The following CWC22 variants were observed in gnomAD, a reference collection of about 807,000 sequenced individuals.
CWC22 encodes CWC22 spliceosome associated protein, also known as pre-mRNA-splicing factor CWC22 homolog.
A neutral mutation model predicts 117.2 loss-of-function variants in CWC22; 53 were observed. That is an observed-to-expected ratio of 0.45 (90% confidence interval 0.36 to 0.57). The LOEUF is 0.57. Ranked by LOEUF, CWC22 falls within the 20% of genes least tolerant of loss-of-function variation. The pLI is 0.00. For missense variants in CWC22, 980 were observed against 1,068.8 expected, an observed-to-expected ratio of 0.92 and a Z score of 1.16; for synonymous variants, 360 against 355.6, an observed-to-expected ratio of 1.01 and a Z score of -0.14.
intron 14 of CWC22, among the ~76,000 whole-genome samples, chr2:179,958,330 CAA>C (rs11453659): frequency 5.4e-5 from 5 of 92,778 alleles, no homozygotes; most frequent in Admixed American, 1.5e-4. Flanking sequence ...GACTCTGGCT[CAA>C]AAAAAAAAAA....
intron 6 of CWC22, 24 bp from the exon 7 acceptor site, chr2:179,973,826 G>A: frequency 6.3e-6 from 9 of 1,430,338 alleles, no homozygotes; most frequent in Middle Eastern, 1.8e-4. Flanking sequence ...AATTTAAAAA[G>A]GAGTCAACAA....
At chr2:179,963,622 G>A (rs1686814481) in intron 13 of CWC22, among the ~76,000 whole-genome samples, 7 of 151,984 alleles carry the variant, frequency 4.6e-5, no homozygotes, top group Admixed American at 4.6e-4. Flanking sequence ...GATTACAGGC[G>A]TGAGCCACCG....
intron 11 of CWC22, among the ~76,000 whole-genome samples, chr2:179,970,247 G>A (rs1035181586): frequency 1.3e-5 from 2 of 152,116 alleles, no homozygotes; most frequent in African/African-American, 4.8e-5. Context: ...TTCTTAAGAT[G>A]GGTGAGACGT....
At chr2:179,946,449 C>CAAA (rs61200729) in intron 19 of CWC22, among the ~76,000 whole-genome samples, 1 of 41,700 alleles carries the variant, frequency 2.4e-5, no homozygotes, top group African/African-American at 1.1e-4. Context: ...GGACTCTGTC[C>CAAA]AAAAAAAAAA....
In CWC22 at chr2:179,954,940, T is replaced by G. The variant is rs776187974; in HGVS notation, c.1536+17A>C. The stretch of plus-strand genomic sequence containing the variant: ...ATATTCGTTTTAAGAATTCCCTCAG[T>G]AGAGGCTGGAACTCACCCCAGCTAA... On this transcript the variant is annotated intron_variant, in intron 15 of 19. Transcript: ENST00000410053. The G allele has an allele frequency of 7.7e-6, 11 of 1,436,286 alleles. No individual in the cohort carries two copies. The highest frequency in any genetic ancestry group is 1.1e-5 in the Non-Finnish European group (11 of 1,030,926). The allele number at this position is 1,436,286 out of a possible 1,614,324, so 89.0% of individuals were successfully genotyped here.
At chr2:179,998,096 A>G (rs1324169981) in intron 1 of CWC22, among the ~76,000 whole-genome samples, 1 of 152,136 alleles carries the variant, frequency 6.6e-6, no homozygotes, top group African/African-American at 2.4e-5. Flanking sequence ...TTCCCAAGGT[A>G]ACTCCAAAAT....
Position 179,986,777 on chromosome 2 carries a change from C to T in CWC22, c.124G>A (p.Asp42Asn), listed in dbSNP as rs534571634. ...RYEEQERSPR[D>N]RDYFDYSRSD... ...CTGCTGTAATCAAAGTAATCTCTAT[C>T]CCGGGGGGATCGTTCTTGTTCTTCA... The change falls in exon 4 of 20, where the codon GAT becomes AAT. Residue 42 changes from aspartate (D) to asparagine (N), a missense_variant. Physicochemically the swap from Asp to Asn is conservative, Grantham distance 23 (BLOSUM62 1). Coordinates refer to ENST00000410053, the MANE Select transcript of CWC22 (RefSeq NM_020943.3). The T allele has an allele frequency of 2.5e-6, 4 of 1,600,360 alleles. No individual in the cohort carries two copies. The South Asian group carries it at 3.4e-5, about 14-fold the overall frequency.
At position 179,981,911 on chromosome 2, in the gene CWC22, T is replaced by C. The variant is rs1377629002; in HGVS notation, c.293A>G (p.Asn98Ser). The change falls in exon 5 of 20, where the codon AAC (asparagine) becomes AGC (serine). Residue 98 changes from asparagine to serine, a missense_variant. This residue lies in a region of CWC22 where 559 missense variants were observed against 602.3 expected (regional missense o/e 0.93). Coordinates refer to ENST00000410053, the MANE Select transcript of CWC22 (RefSeq NM_020943.3). ...SRKSPSPGRR[N>S]PETSVTQSSS... ...ACTCTGAGTTACTGATGTTTCTGGGTTTCTCCTCCCAGGAGATGGGGATTT... is the reference window on the plus strand; with the variant it reads ...ACTCTGAGTTACTGATGTTTCTGGGCTTCTCCTCCCAGGAGATGGGGATTT... 3 of 1,597,568 alleles carry C rather than the reference T, an allele frequency of 1.9e-6. No homozygotes were observed. Among genetic ancestry groups the C allele is most frequent in the African/African-American group, 2.7e-5 (2 of 74,662 alleles).
intron 11 of CWC22, among the ~76,000 whole-genome samples, chr2:179,969,242 G>A (rs541445615): frequency 6.6e-6 from 1 of 152,248 alleles, no homozygotes; most frequent in East Asian, 1.9e-4. Flanking sequence ...GAGACTGTAG[G>A]AAAAGAGGTT....
At chr2:180,004,609 G>A (rs1187299389) in intron 1 of CWC22, among the ~76,000 whole-genome samples, 1 of 152,054 alleles carries the variant, frequency 6.6e-6, no homozygotes, top group African/African-American at 2.4e-5. Flanking sequence ...TGGCCAGGCT[G>A]GTCTATCTCA....
At position 179,950,549 on chromosome 2, in the gene CWC22, G is replaced by A. The variant is rs745417763; in HGVS notation, c.2103C>T (p.Ser701=). Residue 701 remains serine (S), a synonymous_variant, in exon 19 of 20, where the codon AGC becomes AGT. Coordinates refer to ENST00000410053, the MANE Select transcript of CWC22 (RefSeq NM_020943.3). ...DSSSESSSEE[S]DSSSISSHSS... ...TATGACTACTGATGGATGAAGAGTC[G>A]CTCTCTTCACTGGAAGACTCTGAAC... 5.6e-6 allele frequency: 9 copies of A among 1,611,620 alleles called. No individual in the cohort carries two copies. The highest frequency in any genetic ancestry group is 2.7e-5 in the African/African-American group (2 of 74,822).
intron 3 of CWC22, among the ~76,000 whole-genome samples, chr2:179,987,536 G>A (rs930785976): frequency 2.0e-5 from 3 of 151,834 alleles, no homozygotes; most frequent in Non-Finnish European, 2.9e-5. Context: ...GTAGACAATC[G>A]GTGAAAGATA....
At chr2:179,971,189 T>A in intron 8 of CWC22, 113 bp from the exon 9 acceptor site, 2 of 701,754 alleles carry the variant, frequency 2.8e-6, no homozygotes, top group Non-Finnish European at 4.3e-6. Context: ...ATTGCACATA[T>A]GATGGGCAAA....
At chr2:179,958,633 T>C (rs1284561212) in intron 14 of CWC22, among the ~76,000 whole-genome samples, 4 of 152,078 alleles carry the variant, frequency 2.6e-5, no homozygotes, top group Non-Finnish European at 5.9e-5. Flanking sequence ...TTTCTTCCAA[T>C]GTAGCCCAGA....
intron 11 of CWC22, 142 bp from the exon 12 acceptor site, chr2:179,966,124 G>A (rs1403928319): frequency 1.0e-5 from 6 of 582,728 alleles, no homozygotes; most frequent in African/African-American, 1.9e-5. Context: ...ACCAAGCCTC[G>A]TGTTATTGCC....
At chr2:179,961,073 A>G (rs1276159486) in intron 13 of CWC22, among the ~76,000 whole-genome samples, 7 of 152,034 alleles carry the variant, frequency 4.6e-5, no homozygotes. Context: ...TCCTAAACAC[A>G]GGGCATCTAC....
chr2:179,953,135 G>A (rs754454259), intron 16 of CWC22, among the ~76,000 whole-genome samples: 12 of 151,974 alleles, frequency 7.9e-5, no homozygotes, highest in Non-Finnish European at 1.3e-4. Context: ...ATGTGTTTGG[G>A]GGGCCCATTA....
Position 179,973,857 on chromosome 2 carries a change from C to G in CWC22, c.582-55G>C, listed in dbSNP as rs112218071. 85 of 1,035,396 alleles carry G rather than the reference C, an allele frequency of 8.2e-5. No individual in the cohort carries two copies. The African/African-American group carries it at 1.2e-3, about 14-fold the overall frequency. The allele number at this position is 1,035,396 out of a possible 1,614,324, so 64.1% of individuals were successfully genotyped here. ...AACAATAATCACCAAATTAATTAAA[C>G]GAAACAAAAACTATTAAAATTCAGT... On this transcript the variant is annotated intron_variant, in intron 6 of 19. Transcript: ENST00000410053.
At chr2:179,966,120 C>G (rs1686884318) in intron 11 of CWC22, 138 bp from the exon 12 acceptor site, 3 of 605,630 alleles carry the variant, frequency 5.0e-6, no homozygotes, top group Non-Finnish European at 8.4e-6. Flanking sequence ...AACCACCAAG[C>G]CTCGTGTTAT....
Sources: allele counts gnomAD v4.1 joint callset (sites outside exome capture counted in the v4.1 genomes callset), GRCh38; gene constraint gnomAD v4.1.1; regional missense constraint gnomAD v4.1.1; transcripts MANE v1.5; gene names NCBI Gene and HGNC (gene_info 2026-07-23, HGNC 2026-07-21).